The following SUMO3 variants were observed in gnomAD, a reference collection of about 807,000 sequenced individuals.
The protein encoded by SUMO3 is small ubiquitin-related modifier 3.
A neutral mutation model predicts 11.1 loss-of-function variants in SUMO3; 2 were observed. The observed-to-expected ratio is 0.18, with a 90% CI of 0.07 to 0.57. The LOEUF (loss-of-function observed/expected upper bound fraction) is 0.57. Ranked by LOEUF, SUMO3 falls within the 20% of genes least tolerant of loss-of-function variation. SUMO3 has a pLI of 0.92. For missense variants in SUMO3, 70 were observed against 132.8 expected (o/e 0.53, Z 2.32); for synonymous variants, 56 against 53.5 (o/e 1.05, Z -0.20).
Position 44,814,042 on chromosome 21 carries a change from C to A in SUMO3, c.84G>T (p.Val28=). The A allele has an allele frequency of 1.9e-6, 3 of 1,613,896 alleles. No individual in the cohort carries two copies. The highest frequency in any genetic ancestry group is 2.5e-6 in the Non-Finnish European group (3 of 1,180,038). ...NLKVAGQDGS[V]VQFKIKRHTP... The stretch of plus-strand genomic sequence containing the variant: ...TGTGCCTCTTGATCTTGAACTGCAC[C>A]ACGGAGCCGTCCTGCCCGGCCACCT... The change falls in exon 2 of 4, where the codon GTG becomes GTT. Residue 28 remains valine (V), a synonymous_variant. Transcript: ENST00000332859.
Position 44,809,063 on chromosome 21 carries a change from G to C in SUMO3, c.206C>G (p.Thr69Ser), listed in dbSNP as rs972414276. The change falls in exon 3 of 4, where the codon ACT (threonine) becomes AGT (serine). Residue 69 changes from threonine (T) to serine (S), a missense_variant. Coordinates refer to ENST00000332859, the MANE Select transcript of SUMO3 (RefSeq NM_006936.3). ...GCTCCGTACCTGTGCTGGAGTGTCA[G>C]TTTCATTGATTGGCTGCCCGTCGAA... ...FRFDGQPINE[T>S]DTPAQLEMED... 6.2e-7 allele frequency: 1 copy of C among 1,614,122 alleles called. No homozygotes were observed. The highest frequency in any genetic ancestry group is 1.7e-5 in the Admixed American group (1 of 60,024).
chr21:44,807,026 G>A lies in SUMO3; in HGVS notation c.237C>T (p.Asp79=), dbSNP rs775935007. ...TDTPAQLEME[D]EDTIDVFQQQ... is the part of the protein sequence containing the mutation. ...GCTGGAACACGTCGATGGTGTCCTC[G>A]TCCTCCATCTCCAGCTGTCATGGTT... The change falls in exon 4 of 4, where the codon GAC becomes GAT. Residue 79 remains aspartate, a synonymous_variant. Coordinates refer to ENST00000332859, the MANE Select transcript of SUMO3 (RefSeq NM_006936.3). This position sits in a 1 kb window ranked among gnomAD's most constrained non-coding sequence, Gnocchi z 4.3. 6.8e-6 allele frequency: 11 copies of A among 1,613,906 alleles called. No individual in the cohort carries two copies. The highest frequency in any genetic ancestry group is 6.7e-5 in the East Asian group (3 of 44,872).
At position 44,809,099 on chromosome 21, in the gene SUMO3, A is replaced by T; in HGVS notation, c.170T>A (p.Ile57Asn). The change falls in exon 3 of 4, where the codon ATC becomes AAC. Residue 57 changes from isoleucine to asparagine, a missense_variant. By Grantham distance (149) the Ile-to-Asn change is moderately radical. Transcript: ENST00000332859. ...TGGCTGCCCGTCGAACCTGAATCTG[A>T]TCTGCCTCATTGACAAGCCCTGGAA... is the stretch of plus-strand genomic sequence containing the variant. ...CERQGLSMRQIRFRFDGQPIN... is the reference protein window; with the variant it reads ...CERQGLSMRQNRFRFDGQPIN... The T allele has an allele frequency of 1.2e-6, 2 of 1,613,942 alleles. No homozygotes were observed. The highest frequency in any genetic ancestry group is 1.7e-6 in the Non-Finnish European group (2 of 1,179,974).
At chr21:44,813,674 A>T in intron 2 of SUMO3, 1 of 781,086 alleles carries the variant, frequency 1.3e-6, no homozygotes, top group Non-Finnish European at 2.0e-6. Context: ...AGCATCACAG[A>T]CTTCACAGAT....
rs2083226494 is a variant in SUMO3 at position 44,813,692 on chromosome 21, C to A, written c.150+284G>T. ...ATCACAGACTTCACAGATGTTAGTA[C>A]CCCATGGAGAACACAGCACCCCGGG... On this transcript the variant is annotated intron_variant, in intron 2 of 3. Transcript: ENST00000332859. 29 of 864,112 alleles carry A rather than the reference C, an allele frequency of 3.4e-5. 2 individuals are homozygous for A. In the South Asian group the frequency reaches 4.8e-4, roughly 14 times the overall value. The allele number at this position is 864,112 out of a possible 1,614,324, so 53.5% of individuals were successfully genotyped here.
chr21:44,814,153 C>G, intron 1 of SUMO3, 49 bp from the exon 2 acceptor site: 1 of 1,591,698 alleles, frequency 6.3e-7, no homozygotes, highest in South Asian at 1.1e-5. Flanking sequence ...TCAAAATAAC[C>G]GCGACTTGAA....
chr21:44,809,175 CA>C, intron 2 of SUMO3, 57 bp from the exon 3 acceptor site: 2 of 1,549,190 alleles, frequency 1.3e-6, no homozygotes, highest in Non-Finnish European at 1.8e-6. Flanking sequence ...AAAGGAAAAG[CA>C]GTGGCCATTA....
In SUMO3 at chr21:44,813,956, G is replaced by C. The variant is rs369635137; in HGVS notation, c.150+20C>G. 6 of 1,607,664 alleles carry C rather than the reference G, an allele frequency of 3.7e-6. No homozygotes were observed. The highest frequency in any genetic ancestry group is 4.5e-5 in the East Asian group (2 of 44,858). On this transcript the variant is annotated intron_variant, in intron 2 of 3. Transcript: ENST00000332859. ...CAGTGCGCACACGGGGAGGCTCTGC[G>C]GGGGAGCAAGGTGCCGCACCTGCCT...
chr21:44,815,051 C>T (rs2083235658), intron 1 of SUMO3, among the ~76,000 whole-genome samples: 1 of 152,226 alleles, frequency 6.6e-6, no homozygotes. Flanking sequence ...GGCCCTCCGG[C>T]TCACTCTGAA....
intron 2 of SUMO3, chr21:44,813,576 A>G: frequency 4.1e-6 from 2 of 486,884 alleles, no homozygotes; most frequent in Non-Finnish European, 7.4e-6. Context: ...GCCAGCTCAT[A>G]CGCGAGGACA....
At position 44,810,867 on chromosome 21, in the gene SUMO3, C is replaced by T. The variant is rs527599216; in HGVS notation, c.151-1749G>A. Among the ~76,000 whole-genome samples, 40 of 152,102 alleles carry T rather than the reference C, an allele frequency of 2.6e-4. No homozygotes were observed. The East Asian group carries it at 5.8e-3, about 22-fold the overall frequency. On this transcript the variant is annotated intron_variant, in intron 2 of 3. Transcript: ENST00000332859. The surrounding 1 kb of genome is among the most constrained non-coding windows in gnomAD (Gnocchi z 4.1). ...AGGAGGGGAGGAGCGCAGAGGAGAA[C>T]GGACAGGAAGGAGGCAGGAGAACAC...
At chr21:44,814,781 G>A (rs1288589942) in intron 1 of SUMO3, among the ~76,000 whole-genome samples, 1 of 152,142 alleles carries the variant, frequency 6.6e-6, no homozygotes, top group East Asian at 1.9e-4. Context: ...AGTACTTTCT[G>A]GTTTCAAACT....
At chr21:44,812,804 C>T (rs115489308) in intron 2 of SUMO3, among the ~76,000 whole-genome samples, 451 of 152,314 alleles carry the variant, frequency 3.0e-3, no homozygotes, top group African/African-American at 0.01. Context: ...CATCCCGCAG[C>T]GCAGAGGAGA....
intron 1 of SUMO3, among the ~76,000 whole-genome samples, chr21:44,815,967 C>T (rs1045288382): frequency 3.9e-5 from 6 of 152,208 alleles, no homozygotes; most frequent in African/African-American, 4.8e-5. Flanking sequence ...AAAAGCTCTT[C>T]TTTCCAGCAC....
chr21:44,813,433 C>G, intron 2 of SUMO3: 1 of 207,676 alleles, frequency 4.8e-6, no homozygotes, highest in Non-Finnish European at 1.0e-5. Flanking sequence ...ATCCACCCAG[C>G]TGGGCACTGC....
chr21:44,813,954 G>T, intron 2 of SUMO3, 22 bp downstream of exon 2: 1 of 1,607,450 alleles, frequency 6.2e-7, no homozygotes, highest in Non-Finnish European at 8.5e-7. Flanking sequence ...GGGAGGCTCT[G>T]CGGGGGAGCA....
intron 2 of SUMO3, among the ~76,000 whole-genome samples, chr21:44,812,740 G>A (rs1445711253): frequency 1.3e-5 from 2 of 152,242 alleles, no homozygotes; most frequent in Admixed American, 6.5e-5. Flanking sequence ...AGCTCCGGGA[G>A]AGCAGGGGGA....
At chr21:44,816,970 T>G (rs1330611442) in intron 1 of SUMO3, among the ~76,000 whole-genome samples, 2 of 18,332 alleles carry the variant, frequency 1.1e-4, no homozygotes, top group Non-Finnish European at 2.0e-4. Flanking sequence ...GGGGGTGTGA[T>G]GGAAAGGGGG....
intron 1 of SUMO3, 21 bp downstream of exon 1, chr21:44,817,927 A>C: frequency 9.9e-7 from 1 of 1,011,294 alleles, no homozygotes; most frequent in Non-Finnish European, 1.2e-6. Context: ...ACGCGCGTGC[A>C]GGCGGGGTCG....
Sources: allele counts gnomAD v4.1 joint callset (sites outside exome capture counted in the v4.1 genomes callset), GRCh38; gene constraint gnomAD v4.1.1; non-coding constraint Gnocchi (gnomAD v3.1); transcripts MANE v1.5; gene names NCBI Gene and HGNC (gene_info 2026-07-23, HGNC 2026-07-21).